The following PRAG1 variants were observed in gnomAD, a reference collection of about 807,000 sequenced individuals.
PRAG1 encodes the protein inactive tyrosine-protein kinase PRAG1.
Under a neutral mutation model 95.6 loss-of-function variants are expected in PRAG1, and 110 were observed. That is an observed-to-expected ratio of 1.15 (90% CI 0.99 to 1.35). The LOEUF is 1.35. PRAG1 is among the 40% of genes most tolerant of loss of function. PRAG1 has a pLI of 0.00. For missense variants in PRAG1, 2,554 were observed against 1,864.7 expected, an observed-to-expected ratio of 1.37 and a Z score of -6.81; for synonymous variants, 1,052 against 819.4, an observed-to-expected ratio of 1.28 and a Z score of -4.85.
intron 5 of PRAG1, among the ~76,000 whole-genome samples, chr8:8,322,169 AGTTTTGTTTTGTTTT>A (rs577925600): frequency 6.6e-6 from 1 of 151,956 alleles, no homozygotes; most frequent in Non-Finnish European, 1.5e-5. Flanking sequence ...TTATATATAT[AGTTTTGTTTTGTTTT>A]GTTTTGTTTT....
At chr8:8,357,129 A>C (rs1458990734) in intron 3 of PRAG1, among the ~76,000 whole-genome samples, 10 of 152,226 alleles carry the variant, frequency 6.6e-5, no homozygotes. Context: ...TTTGGCAATG[A>C]TTTCTTGGAT....
chr8:8,331,092 G>A (rs999374990), intron 4 of PRAG1, among the ~76,000 whole-genome samples: 3 of 152,188 alleles, frequency 2.0e-5, no homozygotes, highest in Non-Finnish European at 4.4e-5. Flanking sequence ...TGGGAGTGGG[G>A]TGTGATCAGA....
chr8:8,324,336 T>C (rs1798564738), intron 5 of PRAG1, among the ~76,000 whole-genome samples: 1 of 152,070 alleles, frequency 6.6e-6, no homozygotes, highest in Non-Finnish European at 1.5e-5. Context: ...GAGATGTAAA[T>C]GAAGGAGCAG....
At chr8:8,323,481 C>G (rs908810333) in intron 5 of PRAG1, among the ~76,000 whole-genome samples, 1 of 152,126 alleles carries the variant, frequency 6.6e-6, no homozygotes, top group Non-Finnish European at 1.5e-5. Context: ...CCACACCTGA[C>G]TAATTTTTGT....
In PRAG1 at chr8:8,318,378, G is replaced by C. The variant is rs760443051; in HGVS notation, c.3997C>G (p.Arg1333Gly). Residue 1333 changes from arginine to glycine, a missense_variant, in exon 6 of 6, where the codon CGG becomes GGG. Physicochemically the swap from Arg to Gly is moderately radical, Grantham distance 125. Transcript: ENST00000615670. The surrounding 1 kb of genome is among the most constrained non-coding windows in gnomAD (Gnocchi z 4.2). ...CCCGGCTGCTGCACCAGCTCGCGCC[G>C]AGGCCCCCACAGCAGGCACTGCAGC... ...RVLQCLLWGP[R>G]RELVQQPGTS... is the part of the protein sequence containing the mutation. The C allele has an allele frequency of 1.2e-6, 2 of 1,613,388 alleles. No homozygotes were observed. Among genetic ancestry groups the C allele is most frequent in the South Asian group, 1.1e-5 (1 of 91,026 alleles).
chr8:8,373,475 G>C lies in PRAG1; in HGVS notation c.2162+2772C>G, dbSNP rs572580701. The stretch of plus-strand genomic sequence containing the variant: ...CTAGATTTTTTTTTTTTTGAGACAG[G>C]GTCTTGCTCTGTTGCTCAGGCAGGA... On this transcript the variant is annotated intron_variant, in intron 3 of 5. Transcript: ENST00000615670. Among the ~76,000 whole-genome samples, 19 of 100,460 alleles carry C rather than the reference G, an allele frequency of 1.9e-4. 1 individual carries two copies. In the South Asian group the frequency reaches 6.6e-3, roughly 35 times the overall value. 65.9% of individuals were successfully genotyped at this position (100,460 alleles called of 152,430 possible).
chr8:8,339,656 C>T (rs536343925), intron 3 of PRAG1, 21 bp from the exon 4 acceptor site: 3 of 1,599,262 alleles, frequency 1.9e-6, no homozygotes, highest in Non-Finnish European at 2.6e-6. Context: ...TAGGAACAAA[C>T]AATACAAATA....
intron 3 of PRAG1, among the ~76,000 whole-genome samples, chr8:8,375,419 G>T (rs970132222): frequency 6.6e-6 from 1 of 152,002 alleles, no homozygotes; most frequent in Non-Finnish European, 1.5e-5. Flanking sequence ...AGCCAGGATG[G>T]TCTCGATCTC....
intron 3 of PRAG1, among the ~76,000 whole-genome samples, chr8:8,369,137 C>A (rs143521599): frequency 6.6e-6 from 1 of 151,692 alleles, no homozygotes; most frequent in African/African-American, 2.4e-5. Flanking sequence ...ATGATGGGTC[C>A]CCAGTGAAAT....
At chr8:8,372,635 G>C (rs1259353528) in intron 3 of PRAG1, among the ~76,000 whole-genome samples, 1 of 152,214 alleles carries the variant, frequency 6.6e-6, no homozygotes, top group Admixed American at 6.5e-5. Context: ...AATGAGCATG[G>C]AGAGCCTTTC....
chr8:8,372,023 G>A (rs1322759884), intron 3 of PRAG1, among the ~76,000 whole-genome samples: 2 of 152,132 alleles, frequency 1.3e-5, no homozygotes, highest in Non-Finnish European at 2.9e-5. Flanking sequence ...CTGGGCTCAG[G>A]CCTCTTCTCC....
Position 8,318,814 on chromosome 8 carries a change from A to C in PRAG1, c.3561T>G (p.Pro1187=). The C allele has an allele frequency of 7.2e-7, 1 of 1,388,196 alleles. No homozygotes were observed. The highest frequency in any genetic ancestry group is 9.4e-7 in the Non-Finnish European group (1 of 1,065,856). The allele number at this position is 1,388,196 out of a possible 1,614,324, so 86.0% of individuals were successfully genotyped here. ...CTGCGGGGCTGAGAGTGCCACCAGC[A>C]GGCGGGGCGGCAGAGGAGCAGGGAG... is the stretch of plus-strand genomic sequence containing the variant. ...AAPPCSSAAP[P]AGGTLSPAAG... Residue 1187 remains proline, a synonymous_variant, in exon 6 of 6, where the codon CCT becomes CCG. Transcript: ENST00000615670. This position sits in a 1 kb window ranked among gnomAD's most constrained non-coding sequence, Gnocchi z 4.2.
At chr8:8,333,935 G>A (rs538678357) in intron 4 of PRAG1, among the ~76,000 whole-genome samples, 2 of 152,306 alleles carry the variant, frequency 1.3e-5, no homozygotes, top group South Asian at 2.1e-4. Context: ...CCATCTGCAC[G>A]GGCACCTTGC....
intron 3 of PRAG1, among the ~76,000 whole-genome samples, chr8:8,350,553 G>A (rs976703844): frequency 1.3e-5 from 2 of 152,212 alleles, no homozygotes; most frequent in Non-Finnish European, 2.9e-5. Flanking sequence ...CTTGCCTATA[G>A]GCAAGCACAG....
At chr8:8,374,781 C>T in intron 3 of PRAG1, 1 of 874,230 alleles carries the variant, frequency 1.1e-6, no homozygotes, top group Non-Finnish European at 1.4e-6. Context: ...AAGTAGTGGT[C>T]ATGAGAAAAA....
chr8:8,319,584 C>G, intron 5 of PRAG1, among the ~76,000 whole-genome samples: 1 of 152,028 alleles, frequency 6.6e-6, no homozygotes, highest in Non-Finnish European at 1.5e-5. Context: ...TCAAAAGACA[C>G]CATTAAGAAA....
At chr8:8,349,577 C>T (rs1356230824) in intron 3 of PRAG1, among the ~76,000 whole-genome samples, 8 of 152,066 alleles carry the variant, frequency 5.3e-5, no homozygotes, top group Non-Finnish European at 7.4e-5. Context: ...CCACCGCGCC[C>T]GGCCGGTTTC....
intron 3 of PRAG1, among the ~76,000 whole-genome samples, chr8:8,360,102 C>CT (rs1799799444): frequency 6.6e-6 from 1 of 152,096 alleles, no homozygotes; most frequent in African/African-American, 2.4e-5. Flanking sequence ...GGTCCCACCT[C>CT]TAAATTTATC....
intron 3 of PRAG1, among the ~76,000 whole-genome samples, chr8:8,356,611 G>T (rs1799690649): frequency 6.6e-6 from 1 of 152,132 alleles, no homozygotes; most frequent in Non-Finnish European, 1.5e-5. Context: ...GCCTTCCAAA[G>T]TGCTGGGATT....
Sources: allele counts gnomAD v4.1 joint callset (sites outside exome capture counted in the v4.1 genomes callset), GRCh38; gene constraint gnomAD v4.1.1; non-coding constraint Gnocchi (gnomAD v3.1); transcripts MANE v1.5; gene names NCBI Gene and HGNC (gene_info 2026-07-23, HGNC 2026-07-21).